Variants in DPY19L2 observed in about 807,000 individuals in gnomAD.
DPY19L2 encodes probable C-mannosyltransferase DPY19L2.
A neutral mutation model predicts 97.9 loss-of-function variants in DPY19L2; 34 were observed. The observed-to-expected ratio is 0.35, with a 90% confidence interval of 0.26 to 0.46. The LOEUF is 0.46. Ranked by LOEUF, DPY19L2 falls within the 20% of genes least tolerant of loss-of-function variation. The pLI is 1.00. For missense variants in DPY19L2, 623 were observed against 911.4 expected (o/e 0.68, Z 4.07); for synonymous variants, 230 against 307.9 (o/e 0.75, Z 2.65).
At chr12:63,667,354 C>T (rs1456787954) in intron 1 of DPY19L2, among the ~76,000 whole-genome samples, 3 of 152,120 alleles carry the variant, frequency 2.0e-5, no homozygotes, top group East Asian at 1.9e-4. Context: ...TCCAAAGATG[C>T]TCAAAATCTT....
At chr12:63,611,368 C>T (rs1886983869) in intron 11 of DPY19L2, among the ~76,000 whole-genome samples, 1 of 151,496 alleles carries the variant, frequency 6.6e-6, no homozygotes. Flanking sequence ...CAGCAGCTAA[C>T]AAGGTAAAAG....
chr12:63,668,251 G>C lies in DPY19L2; in HGVS notation c.143C>G (p.Pro48Arg). ...EKSALGGGKL[P>R]RGSWRSSPGR... ...CGGGGAGGACCTCCAGGAGCCCCTT[G>C]GCAGTTTCCCGCCGCCTAGGGCCGA... The change falls in exon 1 of 22, where the codon CCA becomes CGA. Residue 48 changes from proline to arginine, a missense_variant. Coordinates refer to ENST00000324472, the MANE Select transcript of DPY19L2 (RefSeq NM_173812.5). The C allele has an allele frequency of 6.2e-7, 1 of 1,613,834 alleles. No homozygotes were observed. The highest frequency in any genetic ancestry group is 8.5e-7 in the Non-Finnish European group (1 of 1,179,854).
At chr12:63,595,712 C>T (rs952048213) in intron 15 of DPY19L2, among the ~76,000 whole-genome samples, 2 of 152,034 alleles carry the variant, frequency 1.3e-5, no homozygotes, top group African/African-American at 4.8e-5. Context: ...TTTATTTGTC[C>T]GGGTGTACCT....
At chr12:63,659,198 G>A (rs1002153802) in intron 4 of DPY19L2, among the ~76,000 whole-genome samples, 11 of 152,138 alleles carry the variant, frequency 7.2e-5, no homozygotes, top group Admixed American at 5.9e-4. Context: ...TGACTTCATC[G>A]AGGTCAAAGT....
intron 14 of DPY19L2, among the ~76,000 whole-genome samples, chr12:63,597,492 T>C (rs1241007047): frequency 6.6e-6 from 1 of 151,996 alleles, no homozygotes; most frequent in African/African-American, 2.4e-5. Context: ...TCCTGAATGG[T>C]CCCATATTTC....
At chr12:63,586,544 G>C (rs1038771011) in intron 16 of DPY19L2, among the ~76,000 whole-genome samples, 2 of 152,196 alleles carry the variant, frequency 1.3e-5, no homozygotes, top group African/African-American at 4.8e-5. Flanking sequence ...TACAGAGCCT[G>C]AGTACGAATT....
chr12:63,619,743 G>T (rs1002934497), intron 9 of DPY19L2, among the ~76,000 whole-genome samples: 5 of 151,952 alleles, frequency 3.3e-5, no homozygotes, highest in Non-Finnish European at 7.4e-5. Context: ...GACCTCAAGT[G>T]ATCCACCCGC....
intron 4 of DPY19L2, among the ~76,000 whole-genome samples, chr12:63,660,316 C>G (rs3965196): frequency 0.24 from 36,783 of 151,208 alleles, 4,855 homozygotes; most frequent in East Asian, 0.45. Flanking sequence ...ATTCATAAAA[C>G]GGTTAAAATT....
chr12:63,562,547 GTA>G, intron 21 of DPY19L2, among the ~76,000 whole-genome samples: 1 of 152,220 alleles, frequency 6.6e-6, no homozygotes, highest in East Asian at 1.9e-4. Context: ...TACAGTAGTT[GTA>G]TGTTTAACGT....
chr12:63,666,764 G>A (rs1198223123), intron 1 of DPY19L2, among the ~76,000 whole-genome samples: 2 of 151,970 alleles, frequency 1.3e-5, no homozygotes, highest in African/African-American at 4.8e-5. Flanking sequence ...GCATTTCCTT[G>A]GCTATTCCAG....
At chr12:63,573,070 T>A (rs1879171225) in intron 19 of DPY19L2, among the ~76,000 whole-genome samples, 1 of 151,748 alleles carries the variant, frequency 6.6e-6, no homozygotes, top group African/African-American at 2.4e-5. Flanking sequence ...ATCAAAACCA[T>A]GCAGGAAAAC....
intron 21 of DPY19L2, among the ~76,000 whole-genome samples, chr12:63,561,140 C>T (rs1876421328): frequency 6.6e-6 from 1 of 152,154 alleles, no homozygotes; most frequent in African/African-American, 2.4e-5. Context: ...TTCTTCAATG[C>T]TTTCCCATTT....
chr12:63,563,500 G>A (rs1565687493), intron 21 of DPY19L2, among the ~76,000 whole-genome samples: 1 of 152,118 alleles, frequency 6.6e-6, no homozygotes, highest in African/African-American at 2.4e-5. Context: ...CTGAATGTAC[G>A]AGACTATGAT....
At chr12:63,597,964 T>G in intron 13 of DPY19L2, 54 bp from the exon 14 acceptor site, 1 of 1,325,782 alleles carries the variant, frequency 7.5e-7, no homozygotes, top group South Asian at 1.4e-5. Flanking sequence ...TTATAGCCTA[T>G]AGACAGTAAT....
intron 11 of DPY19L2, among the ~76,000 whole-genome samples, chr12:63,612,791 G>GA (rs572883084): frequency 1.7e-3 from 257 of 149,390 alleles, no homozygotes; most frequent in African/African-American, 5.5e-3. Context: ...AGACTGATCA[G>GA]AAAAAAAAAT....
chr12:63,637,654 C>A (rs1470316318), intron 6 of DPY19L2, among the ~76,000 whole-genome samples: 1 of 151,982 alleles, frequency 6.6e-6, no homozygotes, highest in African/African-American at 2.4e-5. Context: ...CAAGACTAAA[C>A]CAGGAAGAAG....
intron 11 of DPY19L2, among the ~76,000 whole-genome samples, chr12:63,610,684 A>G (rs1403127084): frequency 6.6e-6 from 1 of 150,836 alleles, no homozygotes; most frequent in Non-Finnish European, 1.5e-5. Flanking sequence ...TCTATGAAAC[A>G]TTTAAATAAG....
chr12:63,665,555 A>T (rs543374450), intron 2 of DPY19L2, among the ~76,000 whole-genome samples: 2 of 152,278 alleles, frequency 1.3e-5, no homozygotes, highest in Admixed American at 1.3e-4. Context: ...ACACATACAA[A>T]ATACACTAGA....
At chr12:63,593,814 C>A (rs912350825) in intron 16 of DPY19L2, among the ~76,000 whole-genome samples, 2 of 151,918 alleles carry the variant, frequency 1.3e-5, no homozygotes, top group African/African-American at 4.8e-5. Flanking sequence ...AAAAATAAAT[C>A]TTTAGCTTAC....
Sources: gnomAD v4.1 joint callset for allele counts (sites outside exome capture counted in the v4.1 genomes callset) on GRCh38, gnomAD v4.1.1 for gene constraint, MANE v1.5 for transcripts, NCBI Gene and HGNC (gene_info 2026-07-23, HGNC 2026-07-21) for gene names.